The following ST6GALNAC5 variants were observed in gnomAD, a reference collection of about 807,000 sequenced individuals.
ST6GALNAC5 encodes the protein ST6 N-acetylgalactosaminide alpha-2,6-sialyltransferase 5.
A neutral mutation model predicts 33.6 loss-of-function variants in ST6GALNAC5; 27 were observed. That is an observed-to-expected ratio of 0.80 (90% confidence interval 0.59 to 1.11). The LOEUF is 1.11. Ranked by LOEUF, ST6GALNAC5 falls within the 50% of genes least tolerant of loss-of-function variation. The pLI is 0.00. For missense variants in ST6GALNAC5, 428 were observed against 454.0 expected (o/e 0.94, Z 0.52); for synonymous variants, 194 against 171.2 (o/e 1.13, Z -1.04).
At chr1:76,907,612 C>T (rs1048976299) in intron 2 of ST6GALNAC5, among the ~76,000 whole-genome samples, 1 of 152,102 alleles carries the variant, frequency 6.6e-6, no homozygotes, top group Non-Finnish European at 1.5e-5. Context: ...CAAGTGTAGC[C>T]CCACATCATC....
intron 2 of ST6GALNAC5, among the ~76,000 whole-genome samples, chr1:77,041,658 T>A (rs986821042): frequency 6.6e-6 from 1 of 152,166 alleles, no homozygotes; most frequent in Non-Finnish European, 1.5e-5. Context: ...TTACTCCAGA[T>A]TTCAGTAGTT....
At position 76,899,045 on chromosome 1, in the gene ST6GALNAC5, C is replaced by T. The variant is rs183750818; in HGVS notation, c.261+30303C>T. 3.8e-4 allele frequency among the ~76,000 whole-genome samples: 58 copies of T among 152,078 alleles called. 1 individual carries two copies. The East Asian group carries it at 9.1e-3, about 24-fold the overall frequency. ...GACATCAGGCACCTCAGACCGTTTGCCTATTTTATGACAAAAATTATTTAG... is the reference window on the plus strand; with the variant it reads ...GACATCAGGCACCTCAGACCGTTTGTCTATTTTATGACAAAAATTATTTAG... On this transcript the variant is annotated intron_variant, in intron 2 of 4. Transcript: ENST00000477717.
rs115734720 is a variant in ST6GALNAC5, at chr1:77,066,764, A to C, written c.*3558A>C. Among the ~76,000 whole-genome samples, 1 of 152,126 alleles carries C rather than the reference A, an allele frequency of 6.6e-6. No homozygotes were observed. Among genetic ancestry groups the C allele is most frequent in the Non-Finnish European group, 1.5e-5 (1 of 68,010 alleles). Reference sequence around the variant, plus strand: ...TGTATCTGACCCAATCATTTCTTCCATTCTCATTGCTTCTCTCTTAAACCT... The same window carrying C: ...TGTATCTGACCCAATCATTTCTTCCCTTCTCATTGCTTCTCTCTTAAACCT... On this transcript the variant is annotated 3_prime_UTR_variant, in exon 5 of 5. Transcript: ENST00000477717.
At chr1:76,948,263 G>A (rs1178996571) in intron 2 of ST6GALNAC5, among the ~76,000 whole-genome samples, 1 of 152,118 alleles carries the variant, frequency 6.6e-6, no homozygotes, top group Non-Finnish European at 1.5e-5. Flanking sequence ...AAGGGAGATT[G>A]GGGAGTGGGT....
chr1:77,012,373 G>A (rs1033281169), intron 2 of ST6GALNAC5, among the ~76,000 whole-genome samples: 16 of 152,192 alleles, frequency 1.1e-4, no homozygotes, highest in African/African-American at 3.9e-4. Context: ...GGAATTCCAG[G>A]TTACTCCTTG....
chr1:76,905,843 G>A (rs1259244634), intron 2 of ST6GALNAC5, among the ~76,000 whole-genome samples: 5 of 152,100 alleles, frequency 3.3e-5, no homozygotes, highest in Admixed American at 1.3e-4. Flanking sequence ...ACATATACAG[G>A]AATATTTGAG....
At chr1:76,916,515 TG>T (rs748818161) in intron 2 of ST6GALNAC5, among the ~76,000 whole-genome samples, 4 of 152,328 alleles carry the variant, frequency 2.6e-5, no homozygotes, top group Middle Eastern at 3.4e-3. Context: ...TATTTTTTGA[TG>T]TAGGAATGTT....
chr1:77,054,221 C>T lies in ST6GALNAC5; in HGVS notation c.779+3856C>T, dbSNP rs534978286. Among the ~76,000 whole-genome samples, 4 of 152,160 alleles carry T rather than the reference C, an allele frequency of 2.6e-5. No individual in the cohort carries two copies. The East Asian group carries it at 5.8e-4, about 22-fold the overall frequency. ...CGAGGTGCCTGTGGGAGAAGATGTT[C>T]ACTCTCTGCCTGTCAGCAGCATCTG... On this transcript the variant is annotated intron_variant, in intron 4 of 4. Coordinates refer to ENST00000477717, the MANE Select transcript of ST6GALNAC5 (RefSeq NM_030965.3).
intron 2 of ST6GALNAC5, among the ~76,000 whole-genome samples, chr1:76,958,024 T>C (rs1648074539): frequency 6.6e-6 from 1 of 152,136 alleles, no homozygotes; most frequent in Admixed American, 6.5e-5. Context: ...GTTTGTCTGA[T>C]CATTTCTTCA....
chr1:76,948,587 CAGAGAGAGAG>C (rs60959607), intron 2 of ST6GALNAC5, among the ~76,000 whole-genome samples: 18,133 of 129,728 alleles, frequency 0.14, 1,246 homozygotes, highest in South Asian at 0.31. Context: ...GGAGTGGGGA[CAGAGAGAGAG>C]AGAGAGAGAG....
intron 2 of ST6GALNAC5, among the ~76,000 whole-genome samples, chr1:76,950,065 A>T (rs534496584): frequency 6.6e-6 from 1 of 152,108 alleles, no homozygotes; most frequent in African/African-American, 2.4e-5. Context: ...AGAGCTGCCA[A>T]TAAGTTCAGC....
intron 2 of ST6GALNAC5, among the ~76,000 whole-genome samples, chr1:76,890,483 C>A (rs1653991188): frequency 6.6e-6 from 1 of 151,816 alleles, no homozygotes; most frequent in Non-Finnish European, 1.5e-5. Flanking sequence ...AAAGGATCAG[C>A]AGTTACCCTT....
chr1:76,947,506 G>C (rs1166841459), intron 2 of ST6GALNAC5, among the ~76,000 whole-genome samples: 2 of 152,004 alleles, frequency 1.3e-5, no homozygotes, highest in African/African-American at 2.4e-5. Context: ...GAGACTGAGC[G>C]GGGGAGGATT....
At chr1:76,928,901 G>T (rs961017869) in intron 2 of ST6GALNAC5, among the ~76,000 whole-genome samples, 2 of 152,112 alleles carry the variant, frequency 1.3e-5, no homozygotes, top group African/African-American at 2.4e-5. Flanking sequence ...AGGGCTTGCT[G>T]CTTACCATAG....
intron 2 of ST6GALNAC5, among the ~76,000 whole-genome samples, chr1:76,956,079 G>C (rs1487888563): frequency 6.6e-6 from 1 of 151,968 alleles, no homozygotes; most frequent in Non-Finnish European, 1.5e-5. Context: ...AGGAAATTGG[G>C]AAAATAAAAA....
chr1:76,918,598 C>A (rs1034278620), intron 2 of ST6GALNAC5, among the ~76,000 whole-genome samples: 2 of 116,410 alleles, frequency 1.7e-5, no homozygotes, highest in Admixed American at 2.4e-4. Context: ...AGCCTAGTGA[C>A]AGAGTGAGAC....
At chr1:76,965,692 T>A (rs1361047270) in intron 2 of ST6GALNAC5, among the ~76,000 whole-genome samples, 3 of 152,260 alleles carry the variant, frequency 2.0e-5, no homozygotes, top group Admixed American at 2.0e-4. Flanking sequence ...CATGCCTATG[T>A]CCTGAAAGGT....
intron 2 of ST6GALNAC5, among the ~76,000 whole-genome samples, chr1:77,004,040 C>A (rs1196785515): frequency 1.5e-5 from 2 of 129,912 alleles, no homozygotes; most frequent in Non-Finnish European, 3.3e-5. Context: ...CGTTGGCCTG[C>A]CTTGCTAGAT....
intron 2 of ST6GALNAC5, among the ~76,000 whole-genome samples, chr1:76,916,137 T>C (rs1248709009): frequency 6.6e-6 from 1 of 152,224 alleles, no homozygotes; most frequent in East Asian, 1.9e-4. Flanking sequence ...GTATCCAAAT[T>C]TTGATTGAAA....
Sources: allele counts gnomAD v4.1 joint callset (sites outside exome capture counted in the v4.1 genomes callset), GRCh38; gene constraint gnomAD v4.1.1; transcripts MANE v1.5; gene names NCBI Gene and HGNC (gene_info 2026-07-23, HGNC 2026-07-21).